The following MED14 variants were observed in gnomAD, a reference collection of about 807,000 sequenced individuals.
MED14 encodes mediator complex subunit 14, also known as mediator of RNA polymerase II transcription subunit 14.
Under a neutral mutation model 109.0 loss-of-function variants are expected in MED14, and 8 were observed. That is an observed-to-expected ratio of 0.07 (90% CI 0.04 to 0.13). The LOEUF (loss-of-function observed/expected upper bound fraction) is 0.13, where lower values mean the gene tolerates loss of function less well. MED14 is among the 10% of genes least tolerant of loss of function. The pLI is 1.00. For synonymous variants in MED14, 399 were observed against 408.7 expected (o/e 0.98, Z 0.29); for missense variants, 711 against 1,142.4 (o/e 0.62, Z 5.44).
At chrX:40,693,625 C>T (rs748687273) in intron 13 of MED14, among the ~76,000 whole-genome samples, 3 of 111,382 alleles carry the variant, frequency 2.7e-5, no homozygotes, top group Non-Finnish European at 5.7e-5. Context: ...GCTAGATTTT[C>T]TAGAATGGTA....
Position 40,692,872 on chromosome X carries a change from G to A in MED14, c.1681C>T (p.Pro561Ser), listed in dbSNP as rs758149258. The change falls in exon 14 of 31, where the codon CCC becomes TCC. Residue 561 changes from proline (P) to serine (S), a missense_variant. By Grantham distance (74) the Pro-to-Ser change is moderately conservative. This residue lies in a region of MED14 where 388 missense variants were observed against 517.3 expected (regional missense o/e 0.75). Transcript: ENST00000324817. ...VVEMLEVPNKPTQLSYKYYFM... is the reference protein window; with the variant it reads ...VVEMLEVPNKSTQLSYKYYFM... Reference sequence around the variant, plus strand: ...TAGTACTTGTACGACAGTTGTGTGGGTTTATTGGGAACCTCCAACATCTCC... The same window carrying A: ...TAGTACTTGTACGACAGTTGTGTGGATTTATTGGGAACCTCCAACATCTCC... 1 of 1,179,177 alleles carries A rather than the reference G, an allele frequency of 8.5e-7. No homozygotes were observed. Among genetic ancestry groups the A allele is most frequent in the Admixed American group, 2.5e-5 (1 of 39,512 alleles).
At chrX:40,695,976 T>C (rs1002809426) in intron 13 of MED14, among the ~76,000 whole-genome samples, 2 of 111,499 alleles carry the variant, frequency 1.8e-5, no homozygotes, top group African/African-American at 3.3e-5. Context: ...TCTCACTATA[T>C]TGCTTAAGCT....
chrX:40,664,525 A>G, intron 24 of MED14, 36 bp from the exon 25 acceptor site: 4 of 885,344 alleles, frequency 4.5e-6, no homozygotes, highest in East Asian at 3.9e-5. Flanking sequence ...CTCAAAACCT[A>G]TATTTTAATA....
intron 10 of MED14, 129 bp from the exon 11 acceptor site, chrX:40,703,698 G>A: frequency 2.2e-6 from 1 of 449,671 alleles, no homozygotes; most frequent in South Asian, 5.5e-5. Context: ...ACATGATTTT[G>A]CAAAATTTGC....
In MED14 at chrX:40,684,089, A is replaced by C. The variant is rs757085352; in HGVS notation, c.2058-1093T>G. ...AATAAATATTTATATTGAGGCAAAA[A>C]AACAACAAATATAATTGGAATTAGA... On this transcript the variant is annotated intron_variant, in intron 16 of 30. Transcript: ENST00000324817. Among the ~76,000 whole-genome samples the C allele has an allele frequency of 1.1e-4, 12 of 112,186 alleles. No homozygotes were observed. In the East Asian group the frequency reaches 1.4e-3, roughly 13 times the overall value.
intron 12 of MED14, 24 bp from the exon 13 acceptor site, chrX:40,697,207 C>T (rs377240790): frequency 7.1e-5 from 75 of 1,063,215 alleles, no homozygotes; most frequent in Non-Finnish European, 9.3e-5. Flanking sequence ...TGATAATCCA[C>T]ATCAAATCTC....
At chrX:40,719,162 G>A (rs1019402294) in intron 3 of MED14, among the ~76,000 whole-genome samples, 1 of 112,203 alleles carries the variant, frequency 8.9e-6, no homozygotes, top group Non-Finnish European at 1.9e-5. Flanking sequence ...AACAACCAGT[G>A]TTGGCATAGA....
intron 10 of MED14, among the ~76,000 whole-genome samples, chrX:40,705,636 G>A (rs916277342): frequency 1.8e-5 from 2 of 111,768 alleles, no homozygotes; most frequent in Non-Finnish European, 3.8e-5. Context: ...CTGCTATTTC[G>A]TCCTGCCAGA....
At chrX:40,726,540 T>C (rs1165972684) in intron 3 of MED14, 1 of 335,531 alleles carries the variant, frequency 3.0e-6, no homozygotes, top group Non-Finnish European at 5.3e-6. Flanking sequence ...CGTAATGATG[T>C]CTCCAGCTAT....
intron 3 of MED14, among the ~76,000 whole-genome samples, chrX:40,716,104 T>C (rs1307595948): frequency 1.8e-5 from 2 of 111,346 alleles, no homozygotes; most frequent in Non-Finnish European, 3.8e-5. Context: ...AATGCAACAT[T>C]ACTAATCATC....
intron 13 of MED14, among the ~76,000 whole-genome samples, chrX:40,694,720 G>C (rs1434396146): frequency 8.9e-6 from 1 of 112,003 alleles, no homozygotes; most frequent in African/African-American, 3.2e-5. Flanking sequence ...CAAGCATGAG[G>C]AGCAACGAGA....
intron 10 of MED14, among the ~76,000 whole-genome samples, chrX:40,706,276 C>T (rs1264801840): frequency 8.9e-6 from 1 of 111,815 alleles, no homozygotes; most frequent in African/African-American, 3.3e-5. Context: ...CAAGTTAAAG[C>T]ACATGCCCTA....
At chrX:40,735,624 G>A (rs1932239735), upstream of MED14, 3 of 501,599 alleles carry the variant, frequency 6.0e-6, no homozygotes, top group South Asian at 5.0e-5. Flanking sequence ...AGGGGCGGGG[G>A]GAGGCGGGGA....
In MED14 at chrX:40,654,533, C is replaced by T. The variant is rs141642845; in HGVS notation, c.4122G>A (p.Ser1374=). Residue 1374 remains serine (S), a synonymous_variant, in exon 30 of 31, where the codon TCG becomes TCA. Coordinates refer to ENST00000324817, the MANE Select transcript of MED14 (RefSeq NM_004229.4). ...LFFLQLTQKT[S]VPPQEPVSII... is the part of the protein sequence containing the mutation. The stretch of plus-strand genomic sequence containing the variant: ...TACTAACAGGTTCTTGGGGAGGGAC[C>T]GATGTTTTCTGAGTTAGTTGAAGCT... 8,941 of 1,208,461 alleles carry T rather than the reference C, an allele frequency of 7.4e-3. 43 individuals are homozygous for T. The highest frequency in any genetic ancestry group is 7.6e-3 in the Non-Finnish European group (6,838 of 894,568).
intron 10 of MED14, among the ~76,000 whole-genome samples, chrX:40,704,394 G>A (rs1489704128): frequency 8.9e-6 from 1 of 112,018 alleles, no homozygotes; most frequent in Non-Finnish European, 1.9e-5. Flanking sequence ...GGCAGATACA[G>A]AGGAGAATGG....
intron 4 of MED14, 46 bp from the exon 5 acceptor site, chrX:40,713,953 T>G (rs745810436): frequency 2.8e-6 from 3 of 1,075,904 alleles, no homozygotes; most frequent in Non-Finnish European, 3.8e-6. Context: ...CAAACGGGGA[T>G]TTTTTTTTTC....
chrX:40,701,542 A>G (rs1251275133), intron 11 of MED14, among the ~76,000 whole-genome samples: 1 of 111,840 alleles, frequency 8.9e-6, no homozygotes, highest in Non-Finnish European at 1.9e-5. Context: ...TTAATTCCCC[A>G]AACTCCTAGT....
chrX:40,705,666 T>C (rs1434213978), intron 10 of MED14, among the ~76,000 whole-genome samples: 1 of 112,015 alleles, frequency 8.9e-6, no homozygotes, highest in Non-Finnish European at 1.9e-5. Flanking sequence ...TATCTCCTTT[T>C]ATTTCTATCA....
chrX:40,690,667 G>A (rs1397766634), intron 15 of MED14, among the ~76,000 whole-genome samples: 3 of 110,819 alleles, frequency 2.7e-5, no homozygotes, highest in African/African-American at 6.6e-5. Context: ...TGCCCACCTC[G>A]GCCTCCCAAA....
Sources: allele counts gnomAD v4.1 joint callset (sites outside exome capture counted in the v4.1 genomes callset), GRCh38; gene constraint gnomAD v4.1.1; regional missense constraint gnomAD v4.1.1; transcripts MANE v1.5; gene names NCBI Gene and HGNC (gene_info 2026-07-23, HGNC 2026-07-21).